Variants in ZFHX3 observed in about 807,000 individuals in gnomAD.
The protein encoded by ZFHX3 is zinc finger homeobox 3.
Under a neutral mutation model 279.1 loss-of-function variants are expected in ZFHX3, and 42 were observed. The ratio of observed to expected loss-of-function variants is 0.15; its 90% confidence interval spans 0.12 to 0.19. The LOEUF is 0.19. ZFHX3 is among the 10% of genes least tolerant of loss of function. The pLI is 1.00. For missense variants in ZFHX3, 4,981 were observed against 4,754.0 expected (o/e 1.05, Z -1.40); for synonymous variants, 2,293 against 1,957.8 (o/e 1.17, Z -4.52).
At chr16:73,814,648 G>C (rs2142340957) in intron 1 of ZFHX3, among the ~76,000 whole-genome samples, 1 of 150,786 alleles carries the variant, frequency 6.6e-6, no homozygotes, top group East Asian at 2.0e-4. Flanking sequence ...GCTCACTTCA[G>C]CCTCTGCCTC....
chr16:73,189,571 T>A (rs780674102), intron 5 of ZFHX3, among the ~76,000 whole-genome samples: 2 of 152,186 alleles, frequency 1.3e-5, no homozygotes, highest in Non-Finnish European at 2.9e-5. Context: ...GCAGACTGGT[T>A]AGTTTTGGAA....
intron 1 of ZFHX3, chr16:72,973,390 A>G (rs1424218614): frequency 6.6e-6 from 1 of 152,242 alleles, no homozygotes; most frequent in Non-Finnish European, 1.5e-5. Flanking sequence ...ATCTACCACT[A>G]ACACTACCAT....
At chr16:73,781,711 G>A (rs569722582) in intron 1 of ZFHX3, among the ~76,000 whole-genome samples, 13 of 152,124 alleles carry the variant, frequency 8.5e-5, no homozygotes, top group Admixed American at 5.2e-4. Context: ...ACAAGAGGTC[G>A]GGCGTGGTGG....
intron 1 of ZFHX3, among the ~76,000 whole-genome samples, chr16:73,699,497 A>C (rs965772646): frequency 6.6e-6 from 1 of 152,150 alleles, no homozygotes; most frequent in African/African-American, 2.4e-5. Flanking sequence ...TAGATCGCCA[A>C]GTTTTTTGTT....
At chr16:73,503,391 T>C (rs879618815) in intron 2 of ZFHX3, among the ~76,000 whole-genome samples, 1 of 152,200 alleles carries the variant, frequency 6.6e-6, no homozygotes, top group Non-Finnish European at 1.5e-5. Flanking sequence ...GTCATAACTG[T>C]TCACATAGAA....
At chr16:73,275,687 T>C (rs985348525) in intron 4 of ZFHX3, among the ~76,000 whole-genome samples, 2 of 152,226 alleles carry the variant, frequency 1.3e-5, no homozygotes, top group South Asian at 4.1e-4. Context: ...CATAGCATTA[T>C]GTTTTAAAGC....
At chr16:73,644,330 T>C (rs1229341241) in intron 2 of ZFHX3, among the ~76,000 whole-genome samples, 2 of 151,970 alleles carry the variant, frequency 1.3e-5, no homozygotes, top group Admixed American at 6.6e-5. Flanking sequence ...CCAGACTGCA[T>C]TTCCTTTCCA....
At chr16:73,428,266 G>A (rs543494860) in intron 3 of ZFHX3, among the ~76,000 whole-genome samples, 90 of 152,160 alleles carry the variant, frequency 5.9e-4, no homozygotes, top group Non-Finnish European at 1.1e-3. Flanking sequence ...TGAACTCTCC[G>A]TCTGTCTCTC....
chr16:73,410,651 T>G (rs2017447261), intron 3 of ZFHX3, among the ~76,000 whole-genome samples: 1 of 151,760 alleles, frequency 6.6e-6, no homozygotes, highest in Non-Finnish European at 1.5e-5. Flanking sequence ...AGATGAGTGC[T>G]GTCCCATCTC....
intron 1 of ZFHX3, among the ~76,000 whole-genome samples, chr16:73,752,090 G>A (rs979885621): frequency 1.3e-5 from 2 of 152,202 alleles, no homozygotes; most frequent in African/African-American, 4.8e-5. Flanking sequence ...GGATGGAGCT[G>A]TGGTCCAGAG....
intron 1 of ZFHX3, among the ~76,000 whole-genome samples, chr16:72,974,568 AACACACACACAC>A (rs59350988): frequency 3.7e-4 from 55 of 148,362 alleles, no homozygotes; most frequent in East Asian, 6.0e-4. Flanking sequence ...CTGATAGGGC[AACACACACACAC>A]ACACACACAC....
chr16:73,268,976 C>T (rs937493847), intron 4 of ZFHX3, among the ~76,000 whole-genome samples: 5 of 152,232 alleles, frequency 3.3e-5, no homozygotes, highest in Non-Finnish European at 7.3e-5. Flanking sequence ...TCACAAGTCA[C>T]TGCAGATGCA....
intron 8 of ZFHX3, among the ~76,000 whole-genome samples, chr16:73,079,141 AG>A (rs1256303575): frequency 1.3e-5 from 2 of 152,000 alleles, no homozygotes; most frequent in African/African-American, 4.8e-5. Context: ...AGGTCCTTCC[AG>A]TCCCCTTCTC....
At chr16:73,514,492 T>C (rs1427602561) in intron 2 of ZFHX3, among the ~76,000 whole-genome samples, 2 of 152,166 alleles carry the variant, frequency 1.3e-5, no homozygotes, top group East Asian at 3.8e-4. Flanking sequence ...TATTACTTTA[T>C]ATATAAGGAA....
chr16:73,793,295 C>T (rs985768983), intron 1 of ZFHX3, among the ~76,000 whole-genome samples: 7 of 152,228 alleles, frequency 4.6e-5, no homozygotes, highest in Non-Finnish European at 7.3e-5. Context: ...TGTACATTGA[C>T]TGTTGACCAA....
intron 1 of ZFHX3, among the ~76,000 whole-genome samples, chr16:73,831,632 CTAATTAT>C (rs998329362): frequency 5.3e-5 from 8 of 152,210 alleles, no homozygotes; most frequent in Admixed American, 5.2e-4. Context: ...AATCTCATAT[CTAATTAT>C]AAAATAATTG....
intron 5 of ZFHX3, among the ~76,000 whole-genome samples, chr16:73,236,679 G>C (rs545670448): frequency 7.9e-5 from 12 of 152,154 alleles, no homozygotes; most frequent in Middle Eastern, 6.8e-3. Flanking sequence ...TATCTAAAAA[G>C]AAATGCATTC....
chr16:73,404,705 G>A (rs377705988), intron 3 of ZFHX3, among the ~76,000 whole-genome samples: 4 of 152,042 alleles, frequency 2.6e-5, no homozygotes, highest in East Asian at 3.9e-4. Flanking sequence ...CCCGTTTTAC[G>A]CATAAGGACA....
chr16:73,690,072 G>A (rs888154102), intron 1 of ZFHX3, among the ~76,000 whole-genome samples: 8 of 152,042 alleles, frequency 5.3e-5, no homozygotes, highest in Non-Finnish European at 8.8e-5. Flanking sequence ...CACACCACAC[G>A]TCTGGCTAAT....
Sources: allele counts gnomAD v4.1 joint callset (sites outside exome capture counted in the v4.1 genomes callset), GRCh38; gene constraint gnomAD v4.1.1; transcripts MANE v1.5; gene names NCBI Gene and HGNC (gene_info 2026-07-23, HGNC 2026-07-21).